Variants in ABTB3 observed in about 807,000 individuals in gnomAD.
ABTB3 encodes ankyrin repeat and BTB domain containing 3.
chr12:107,655,274 T>TATATAC, the ABTB3 span, among the ~76,000 whole-genome samples: 3 of 151,134 alleles, frequency 2.0e-5, no homozygotes, highest in African/African-American at 2.5e-5. Flanking sequence ...TATATATATA[T>TATATAC]ACACCTACAA....
chr12:107,620,147 A>T, the ABTB3 span: 4 of 1,614,146 alleles, frequency 2.5e-6, no homozygotes, highest in Non-Finnish European at 3.4e-6. Context: ...GATGTTTGAG[A>T]TCCTGAAAGC....
At chr12:107,631,860 G>A in the ABTB3 span, among the ~76,000 whole-genome samples, 1 of 152,236 alleles carries the variant, frequency 6.6e-6, no homozygotes, top group South Asian at 2.1e-4. Context: ...CCACCTGGCT[G>A]AGGCAGTGTT....
chr12:107,645,058 C>T, the ABTB3 span, among the ~76,000 whole-genome samples: 1 of 150,616 alleles, frequency 6.6e-6, no homozygotes, highest in Non-Finnish European at 1.5e-5. Context: ...CTGCAACCTC[C>T]GCCTCCCGGG....
chr12:107,391,395 GA>G, the ABTB3 span, among the ~76,000 whole-genome samples: 3 of 152,180 alleles, frequency 2.0e-5, no homozygotes, highest in African/African-American at 7.2e-5. Context: ...GGCTGATTTA[GA>G]AGGGGGGTCT....
the ABTB3 span, among the ~76,000 whole-genome samples, chr12:107,587,462 A>C: frequency 2.0e-5 from 3 of 152,134 alleles, no homozygotes; most frequent in African/African-American, 7.2e-5. Context: ...CTTGGTGATG[A>C]ATGTCAGGAA....
chr12:107,492,345 G>A, the ABTB3 span, among the ~76,000 whole-genome samples: 304 of 152,248 alleles, frequency 2.0e-3, no homozygotes, highest in African/African-American at 6.7e-3. Flanking sequence ...CTCCCCAGGC[G>A]CTTGCCACAC....
chr12:107,539,491 G>A, the ABTB3 span, among the ~76,000 whole-genome samples: 9 of 152,156 alleles, frequency 5.9e-5, no homozygotes, highest in Admixed American at 6.5e-5. Flanking sequence ...GGAAGCAGTA[G>A]CAGCTAAGGA....
At chr12:107,389,829 G>C in the ABTB3 span, among the ~76,000 whole-genome samples, 2 of 131,916 alleles carry the variant, frequency 1.5e-5, no homozygotes, top group Admixed American at 1.7e-4. Flanking sequence ...GTGGGATGCT[G>C]GGGCATGTGT....
At chr12:107,432,339 G>T in the ABTB3 span, among the ~76,000 whole-genome samples, 1 of 152,200 alleles carries the variant, frequency 6.6e-6, no homozygotes, top group Admixed American at 6.5e-5. Context: ...TAAAGACACT[G>T]TGGTACATTT....
chr12:107,334,492 C>T, the ABTB3 span, among the ~76,000 whole-genome samples: 32 of 152,002 alleles, frequency 2.1e-4, no homozygotes, highest in Non-Finnish European at 4.0e-4. Flanking sequence ...CGGGAAATAC[C>T]GTGGAAAGAG....
the ABTB3 span, chr12:107,618,234 G>A: frequency 3.1e-6 from 5 of 1,613,906 alleles, no homozygotes; most frequent in South Asian, 3.3e-5. Flanking sequence ...GATTCTGGCC[G>A]AGGGGACTGA....
chr12:107,535,592 A>G, the ABTB3 span, among the ~76,000 whole-genome samples: 1 of 152,220 alleles, frequency 6.6e-6, no homozygotes, highest in Non-Finnish European at 1.5e-5. Flanking sequence ...AAATCAACAT[A>G]CAAAAATCAG....
At chr12:107,417,083 G>T in the ABTB3 span, among the ~76,000 whole-genome samples, 13 of 152,318 alleles carry the variant, frequency 8.5e-5, no homozygotes, top group Admixed American at 1.3e-4. Flanking sequence ...TTCCCTGCCT[G>T]GATCTTCTTC....
the ABTB3 span, among the ~76,000 whole-genome samples, chr12:107,447,443 A>G: frequency 2.6e-5 from 4 of 152,056 alleles, no homozygotes; most frequent in African/African-American, 9.7e-5. Flanking sequence ...TGCCTGGCTG[A>G]TTGACTTTTT....
At chr12:107,452,286 C>G in the ABTB3 span, among the ~76,000 whole-genome samples, 1 of 147,894 alleles carries the variant, frequency 6.8e-6, no homozygotes, top group Non-Finnish European at 1.5e-5. Flanking sequence ...CCGCTCACTG[C>G]AAGCTCTGCC....
At chr12:107,559,298 C>A in the ABTB3 span, among the ~76,000 whole-genome samples, 10 of 152,216 alleles carry the variant, frequency 6.6e-5, no homozygotes, top group Admixed American at 5.2e-4. Context: ...ACATTGGCCT[C>A]CCCAGGTTGT....
At chr12:107,634,307 G>C in the ABTB3 span, among the ~76,000 whole-genome samples, 1 of 152,104 alleles carries the variant, frequency 6.6e-6, no homozygotes, top group African/African-American at 2.4e-5. Flanking sequence ...AGCAATGCTT[G>C]TTTCTTGTAG....
chr12:107,619,746 G>A, the ABTB3 span, among the ~76,000 whole-genome samples: 1 of 152,306 alleles, frequency 6.6e-6, no homozygotes, highest in East Asian at 1.9e-4. Flanking sequence ...TACAGAGATG[G>A]ACACCCATAG....
chr12:107,358,467 G>A, the ABTB3 span, among the ~76,000 whole-genome samples: 2 of 152,158 alleles, frequency 1.3e-5, no homozygotes, highest in African/African-American at 2.4e-5. Flanking sequence ...GAAAGTGGAG[G>A]ATATAAGTTC....
Sources: allele counts gnomAD v4.1 joint callset (sites outside exome capture counted in the v4.1 genomes callset), GRCh38; gene constraint gnomAD v4.1.1; transcripts MANE v1.5; gene names NCBI Gene and HGNC (gene_info 2026-07-23, HGNC 2026-07-21).